Variants in WWOX observed in about 807,000 individuals in gnomAD.
WWOX encodes the protein WW domain containing oxidoreductase.
A neutral mutation model predicts 46.2 loss-of-function variants in WWOX; 69 were observed. The ratio of observed to expected loss-of-function variants is 1.49; its 90% CI spans 1.23 to 1.82. The LOEUF is 1.82. Among genes scored for constraint, WWOX ranks in the 40% most tolerant of loss-of-function variants. The pLI, the probability that WWOX is intolerant of heterozygous loss-of-function variation, is 0.00. For missense variants in WWOX, 919 were observed against 542.6 expected, an observed-to-expected ratio of 1.69 and a Z score of -6.89; for synonymous variants, 359 against 202.6, an observed-to-expected ratio of 1.77 and a Z score of -6.56.
At chr16:78,122,651 C>A (rs577178290) in intron 4 of WWOX, among the ~76,000 whole-genome samples, 1 of 151,190 alleles carries the variant, frequency 6.6e-6, no homozygotes, top group East Asian at 1.9e-4. Flanking sequence ...GTCACCCAGG[C>A]TGTAGTGCAG....
At chr16:78,630,194 T>C (rs895753485) in intron 8 of WWOX, among the ~76,000 whole-genome samples, 1 of 152,202 alleles carries the variant, frequency 6.6e-6, no homozygotes. Context: ...GTATTCCTCA[T>C]CTGGCTGTAA....
chr16:78,494,423 C>G (rs2084859467), intron 8 of WWOX, among the ~76,000 whole-genome samples: 1 of 151,896 alleles, frequency 6.6e-6, no homozygotes, highest in African/African-American at 2.4e-5. Flanking sequence ...GTTCAAATCT[C>G]AAAGTGATGT....
rs1026741102 is a variant in WWOX at position 78,929,851 on chromosome 16, C to G, written c.1057-281757C>G. ...CAGGTGCAGGAAATGCGATTGTGCA[C>G]GGACCCTTGCCTTTTTACCCAGTAT... is the stretch of plus-strand genomic sequence containing the variant. On this transcript the variant is annotated intron_variant, in intron 8 of 8. Transcript: ENST00000566780. Among the ~76,000 whole-genome samples, 5 of 152,154 alleles carry G rather than the reference C, an allele frequency of 3.3e-5. No individual in the cohort carries two copies. In the East Asian group the frequency reaches 7.7e-4, roughly 23 times the overall value.
At chr16:78,259,898 C>G (rs2038232520) in intron 5 of WWOX, among the ~76,000 whole-genome samples, 1 of 151,182 alleles carries the variant, frequency 6.6e-6, no homozygotes, top group African/African-American at 2.4e-5. Flanking sequence ...TTTTAAAAAA[C>G]TTAAAATATT....
chr16:78,372,062 G>T (rs773668340), intron 5 of WWOX, among the ~76,000 whole-genome samples: 1 of 152,080 alleles, frequency 6.6e-6, no homozygotes, highest in Admixed American at 6.6e-5. Flanking sequence ...TAAGTCTCAC[G>T]GCTATGCCTA....
rs564872017 is a variant in WWOX, at chr16:78,254,653, C to T, written c.516+90364C>T. Reference sequence around the variant, plus strand: ...CCCAAGTAGCTGGGACCACAGCCTCCTGAGCACCCGGGTGCATGCCACTGC... The same window carrying T: ...CCCAAGTAGCTGGGACCACAGCCTCTTGAGCACCCGGGTGCATGCCACTGC... On this transcript the variant is annotated intron_variant, in intron 5 of 8. Coordinates refer to ENST00000566780, the MANE Select transcript of WWOX (RefSeq NM_016373.4). 2.0e-5 allele frequency among the ~76,000 whole-genome samples: 3 copies of T among 151,894 alleles called. No homozygotes were observed. The South Asian group carries it at 6.2e-4, about 32-fold the overall frequency.
intron 8 of WWOX, among the ~76,000 whole-genome samples, chr16:78,538,682 A>T (rs1407929618): frequency 2.0e-5 from 3 of 152,168 alleles, no homozygotes; most frequent in Non-Finnish European, 2.9e-5. Flanking sequence ...ATAACCCTTT[A>T]CTAGTAATAA....
Position 78,802,010 on chromosome 16 carries a change from A to G in WWOX, c.1056+369258A>G, listed in dbSNP as rs1178852972. ...CCGAGATGATGTGTGGAAAGGGCCT[A>G]TCCCAGAGGCTGGTGTACCATGGTG... On this transcript the variant is annotated intron_variant, in intron 8 of 8. Transcript: ENST00000566780. 2.0e-5 allele frequency among the ~76,000 whole-genome samples: 3 copies of G among 152,128 alleles called. No homozygotes were observed. The East Asian group carries it at 5.8e-4, about 29-fold the overall frequency.
At chr16:78,103,200 G>T (rs1180019454) in intron 1 of WWOX, among the ~76,000 whole-genome samples, 1 of 150,574 alleles carries the variant, frequency 6.6e-6, no homozygotes, top group Admixed American at 6.6e-5. Flanking sequence ...CAGCCCTCCC[G>T]ACTAGTGTCT....
At position 78,823,824 on chromosome 16, in the gene WWOX, A is replaced by G. The variant is rs192131148; in HGVS notation, c.1057-387784A>G. On this transcript the variant is annotated intron_variant, in intron 8 of 8. Coordinates refer to ENST00000566780, the MANE Select transcript of WWOX (RefSeq NM_016373.4). Reference sequence around the variant, plus strand: ...CAGAATCTTGTTCTGTCTCCGAGCTAGAGTACAATGGTATGATCATAGCTC... The same window carrying G: ...CAGAATCTTGTTCTGTCTCCGAGCTGGAGTACAATGGTATGATCATAGCTC... Among the ~76,000 whole-genome samples, 11 of 151,128 alleles carry G rather than the reference A, an allele frequency of 7.3e-5. No individual in the cohort carries two copies. In the East Asian group the frequency reaches 9.8e-4, roughly 13 times the overall value.
At chr16:78,582,987 G>A (rs942816320) in intron 8 of WWOX, among the ~76,000 whole-genome samples, 41 of 152,148 alleles carry the variant, frequency 2.7e-4, no homozygotes, top group East Asian at 1.9e-4. Context: ...TGTCAAATGC[G>A]CGTTTAATCT....
At chr16:79,139,425 A>G (rs915703912) in intron 8 of WWOX, among the ~76,000 whole-genome samples, 1 of 152,190 alleles carries the variant, frequency 6.6e-6, no homozygotes, top group Non-Finnish European at 1.5e-5. Flanking sequence ...CCTGCAGTTA[A>G]TTTGACATCT....
At chr16:78,619,142 AATATATATATATATATATATATATAT>A (rs71140816) in intron 8 of WWOX, among the ~76,000 whole-genome samples, 4 of 9,078 alleles carry the variant, frequency 4.4e-4, no homozygotes, top group Non-Finnish European at 6.2e-4. Flanking sequence ...CTAAAAAAAA[AATATATATATATATATATATATATAT>A]ATATATATAT....
chr16:78,753,419 C>G (rs2049538262), intron 8 of WWOX, among the ~76,000 whole-genome samples: 1 of 152,146 alleles, frequency 6.6e-6, no homozygotes, highest in Non-Finnish European at 1.5e-5. Flanking sequence ...GTTGGGAGGA[C>G]CAGTCACCCC....
intron 5 of WWOX, among the ~76,000 whole-genome samples, chr16:78,330,886 C>G (rs2080740587): frequency 6.6e-6 from 1 of 152,318 alleles, no homozygotes; most frequent in African/African-American, 2.4e-5. Context: ...AGATGATATG[C>G]ATGTTCTTAT....
chr16:78,993,073 C>G (rs1342718837), intron 8 of WWOX, among the ~76,000 whole-genome samples: 1 of 151,872 alleles, frequency 6.6e-6, no homozygotes. Flanking sequence ...ACATTTTCCC[C>G]TTCTTTCGGG....
intron 8 of WWOX, among the ~76,000 whole-genome samples, chr16:78,842,979 A>C (rs759608357): frequency 6.7e-6 from 1 of 150,322 alleles, no homozygotes; most frequent in South Asian, 2.2e-4. Flanking sequence ...GGCACGCTTC[A>C]CAGGACTGGC....
At position 79,000,895 on chromosome 16, in the gene WWOX, T is replaced by G. The variant is rs572210814; in HGVS notation, c.1057-210713T>G. ...CATGGTTTGTCATGTTGCACTTATT[T>G]GTGTGATGATTTAATTAATACTCAT... is the stretch of plus-strand genomic sequence containing the variant. On this transcript the variant is annotated intron_variant, in intron 8 of 8. Transcript: ENST00000566780. Among the ~76,000 whole-genome samples, 13 of 152,238 alleles carry G rather than the reference T, an allele frequency of 8.5e-5. No homozygotes were observed. The East Asian group carries it at 2.5e-3, about 30-fold the overall frequency.
In WWOX at chr16:78,715,022, C is replaced by T. The variant is rs150301524; in HGVS notation, c.1056+282270C>T. ...TTGTCATGGCCTGGGTGTGGTGGCT[C>T]ATAATCCCAGCACTTTGAGAGCTCC... On this transcript the variant is annotated intron_variant, in intron 8 of 8. Transcript: ENST00000566780. Among the ~76,000 whole-genome samples the T allele has an allele frequency of 1.2e-4, 19 of 152,206 alleles. No homozygotes were observed. The South Asian group carries it at 3.5e-3, about 28-fold the overall frequency.
Sources: allele counts gnomAD v4.1 joint callset (sites outside exome capture counted in the v4.1 genomes callset), GRCh38; gene constraint gnomAD v4.1.1; transcripts MANE v1.5; gene names NCBI Gene and HGNC (gene_info 2026-07-23, HGNC 2026-07-21).